FMN2: variants seen among roughly 807,000 people sequenced by gnomAD.
The protein encoded by FMN2 is formin-2.
In FMN2, 51 loss-of-function variants were observed where a neutral mutation model predicts 142.3. The ratio of observed to expected loss-of-function variants is 0.36; its 90% CI spans 0.29 to 0.45. The LOEUF (loss-of-function observed/expected upper bound fraction) is 0.45, where lower values mean the gene tolerates loss of function less well. Ranked by LOEUF, FMN2 falls within the 20% of genes least tolerant of loss-of-function variation. FMN2 has a pLI of 1.00. For missense variants in FMN2, 1,936 were observed against 2,122.8 expected (o/e 0.91, Z 1.73); for synonymous variants, 882 against 869.8 (o/e 1.01, Z -0.25).
chr1:240,306,849 A>G (rs1025904907), intron 8 of FMN2, among the ~76,000 whole-genome samples: 1 of 152,208 alleles, frequency 6.6e-6, no homozygotes, highest in African/African-American at 2.4e-5. Context: ...TGGCTGGACT[A>G]GTTTGCATTC....
chr1:240,309,976 C>T (rs1320575333), intron 8 of FMN2, among the ~76,000 whole-genome samples: 1 of 152,132 alleles, frequency 6.6e-6, no homozygotes, highest in Non-Finnish European at 1.5e-5. Flanking sequence ...TTAGACTTGG[C>T]TTGAGTCCTC....
At chr1:240,157,862 C>T (rs922833053) in intron 2 of FMN2, among the ~76,000 whole-genome samples, 11 of 151,144 alleles carry the variant, frequency 7.3e-5, no homozygotes, top group African/African-American at 2.7e-4. Context: ...AAGGGCCAGA[C>T]GTGGTGGCTC....
At chr1:240,352,505 C>T (rs116154839) in intron 13 of FMN2, among the ~76,000 whole-genome samples, 44 of 152,128 alleles carry the variant, frequency 2.9e-4, no homozygotes, top group Non-Finnish European at 2.6e-4. Flanking sequence ...TCGCTTGAAC[C>T]GGGAGATGGA....
At chr1:240,098,581 T>C (rs1001435527) in intron 1 of FMN2, among the ~76,000 whole-genome samples, 2 of 152,186 alleles carry the variant, frequency 1.3e-5, no homozygotes, top group African/African-American at 2.4e-5. Flanking sequence ...AAATGTCTTA[T>C]TATAAAAGGA....
At chr1:240,393,705 CA>C (rs1673684427) in intron 15 of FMN2, among the ~76,000 whole-genome samples, 1 of 152,106 alleles carries the variant, frequency 6.6e-6, no homozygotes, top group Non-Finnish European at 1.5e-5. Context: ...GTTATGAATG[CA>C]AAGAAAAAGT....
intron 15 of FMN2, chr1:240,400,645 G>C (rs900988779): frequency 6.6e-6 from 1 of 152,136 alleles, no homozygotes; most frequent in African/African-American, 2.4e-5. Flanking sequence ...TCCCAGCTTT[G>C]AGGCCTTGAA....
chr1:240,264,474 T>C (rs1668730124), intron 7 of FMN2, among the ~76,000 whole-genome samples: 1 of 152,180 alleles, frequency 6.6e-6, no homozygotes, highest in South Asian at 2.1e-4. Flanking sequence ...GGTGGTTTGT[T>C]GCACCCATCA....
At chr1:240,429,456 C>T (rs1397783986) in intron 15 of FMN2, among the ~76,000 whole-genome samples, 2 of 152,080 alleles carry the variant, frequency 1.3e-5, no homozygotes, top group East Asian at 1.9e-4. Context: ...TTTTCTTCCT[C>T]CTTTCTTGGT....
chr1:240,368,761 A>G (rs570188396), intron 14 of FMN2, among the ~76,000 whole-genome samples: 63 of 152,262 alleles, frequency 4.1e-4, no homozygotes, highest in Non-Finnish European at 8.2e-4. Context: ...GCATAATTAG[A>G]GGAATACAAA....
intron 16 of FMN2, among the ~76,000 whole-genome samples, chr1:240,459,780 G>A (rs920009206): frequency 1.5e-5 from 2 of 133,150 alleles, no homozygotes; most frequent in East Asian, 2.4e-4. Flanking sequence ...TATGCTAACT[G>A]TCCTTTCTTC....
chr1:240,257,822 C>A, intron 6 of FMN2, 123 bp from the exon 7 acceptor site: 1 of 772,144 alleles, frequency 1.3e-6, no homozygotes, highest in Admixed American at 2.6e-5. Flanking sequence ...GTTTTGAATA[C>A]TTTAGGTAAT....
intron 2 of FMN2, chr1:240,170,381 G>C (rs1318698776): frequency 1.7e-6 from 2 of 1,196,492 alleles, no homozygotes; most frequent in Non-Finnish European, 2.5e-6. Flanking sequence ...GAAGGTGCTG[G>C]AATTGTGGGA....
chr1:240,471,204 C>T (rs1008015970), intron 16 of FMN2, among the ~76,000 whole-genome samples: 16 of 152,110 alleles, frequency 1.1e-4, no homozygotes, highest in Non-Finnish European at 1.9e-4. Flanking sequence ...TATTACTGCT[C>T]ACTCTCTTTT....
At chr1:240,249,877 T>G (rs2102883322) in intron 6 of FMN2, among the ~76,000 whole-genome samples, 1 of 152,228 alleles carries the variant, frequency 6.6e-6, no homozygotes, top group Non-Finnish European at 1.5e-5. Flanking sequence ...TGGATTGCCT[T>G]CATTTCTTTC....
intron 4 of FMN2, among the ~76,000 whole-genome samples, chr1:240,203,672 G>A (rs764469371): frequency 1.5e-4 from 23 of 152,142 alleles, no homozygotes; most frequent in Non-Finnish European, 3.4e-4. Flanking sequence ...AGTATGGGGA[G>A]GGAGAGCATC....
At chr1:240,333,977 C>T (rs767359097) in intron 12 of FMN2, 31 bp downstream of exon 12, 20 of 1,586,142 alleles carry the variant, frequency 1.3e-5, no homozygotes, top group Non-Finnish European at 1.5e-5. Context: ...AGTCATATTC[C>T]ATTATTCTTT....
chr1:240,204,502 G>A (rs1323306120), intron 4 of FMN2, among the ~76,000 whole-genome samples: 1 of 152,232 alleles, frequency 6.6e-6, no homozygotes, highest in Non-Finnish European at 1.5e-5. Context: ...TGTAATCCCA[G>A]CACTTTGGGA....
chr1:240,186,270 A>T (rs966441282), intron 3 of FMN2, among the ~76,000 whole-genome samples: 1 of 152,102 alleles, frequency 6.6e-6, no homozygotes, highest in African/African-American at 2.4e-5. Context: ...ACCCACTTTC[A>T]TGTTCTTATC....
At chr1:240,332,149 T>C (rs115230240) in intron 11 of FMN2, among the ~76,000 whole-genome samples, 1 of 152,288 alleles carries the variant, frequency 6.6e-6, no homozygotes, top group Non-Finnish European at 1.5e-5. Flanking sequence ...AGTCCTTCCT[T>C]GGTACACCAG....
Sources: allele counts gnomAD v4.1 joint callset (sites outside exome capture counted in the v4.1 genomes callset), GRCh38; gene constraint gnomAD v4.1.1; transcripts MANE v1.5; gene names NCBI Gene and HGNC (gene_info 2026-07-23, HGNC 2026-07-21).